The following SNX29 variants were observed in gnomAD, a reference collection of about 807,000 sequenced individuals.
The protein encoded by SNX29 is sorting nexin-29.
SNX29 carries 78 observed loss-of-function variants against 102.1 expected under a neutral mutation model. The observed-to-expected ratio is 0.76, with a 90% confidence interval of 0.64 to 0.92. SNX29 has a LOEUF of 0.92. SNX29 is among the 40% of genes least tolerant of loss of function. The pLI, the probability that SNX29 is intolerant of heterozygous loss-of-function variation, is 0.00. For synonymous variants in SNX29, 580 were observed against 414.5 expected (o/e 1.40, Z -4.85); for missense variants, 1,280 against 1,061.7 (o/e 1.21, Z -2.86).
intron 14 of SNX29, among the ~76,000 whole-genome samples, chr16:12,244,425 A>G (rs1310985091): frequency 6.6e-6 from 1 of 152,150 alleles, no homozygotes; most frequent in Non-Finnish European, 1.5e-5. Context: ...CCTGGCCAAC[A>G]TGGAGAAACA....
intron 13 of SNX29, among the ~76,000 whole-genome samples, chr16:12,158,944 G>A (rs745873451): frequency 8.5e-5 from 13 of 152,204 alleles, no homozygotes; most frequent in East Asian, 1.9e-4. Context: ...TGCCTGTGGC[G>A]TGGAATCATT....
intron 15 of SNX29, among the ~76,000 whole-genome samples, chr16:12,301,347 C>T (rs967597532): frequency 7.2e-5 from 11 of 152,178 alleles, no homozygotes; most frequent in Non-Finnish European, 7.3e-5. Context: ...CCACACTCCT[C>T]GTTCTACTCT....
At position 12,541,349 on chromosome 16, in the gene SNX29, T is replaced by A. The variant is rs77037015; in HGVS notation, c.2318+16508T>A. Reference sequence around the variant, plus strand: ...CTGAGTGCCAGAATTACCTTCTTCATTCTTCACAGAATTCCCTATGAGGGC... The same window carrying A: ...CTGAGTGCCAGAATTACCTTCTTCAATCTTCACAGAATTCCCTATGAGGGC... On this transcript the variant is annotated intron_variant, in intron 20 of 20. Coordinates refer to ENST00000566228, the MANE Select transcript of SNX29 (RefSeq NM_032167.5). Among the ~76,000 whole-genome samples the A allele has an allele frequency of 1.7e-3, 261 of 152,286 alleles. 2 individuals carry two copies. Among genetic ancestry groups the A allele is most frequent in the African/African-American group, 6.1e-3 (255 of 41,558 alleles).
At chr16:12,006,286 C>T (rs934319345) in intron 3 of SNX29, among the ~76,000 whole-genome samples, 2 of 151,562 alleles carry the variant, frequency 1.3e-5, no homozygotes, top group Non-Finnish European at 2.9e-5. Context: ...GAGGCTGAGG[C>T]GGAAGGATCA....
intron 19 of SNX29, among the ~76,000 whole-genome samples, chr16:12,479,334 A>G (rs2087800849): frequency 6.6e-6 from 1 of 152,246 alleles, no homozygotes; most frequent in Non-Finnish European, 1.5e-5. Context: ...ACAGAAACAC[A>G]GAGCAAGAGT....
Position 12,568,308 on chromosome 16 carries a change from A to AAG in SNX29, c.2319-197_2319-196insGA, listed in dbSNP as rs749979267. Among the ~76,000 whole-genome samples the AAG allele has an allele frequency of 9.9e-3, 1,503 of 151,252 alleles. 24 individuals are homozygous for AAG. The highest frequency in any genetic ancestry group is 0.015 in the Non-Finnish European group (1,011 of 67,798). ...GTTGGAGCCTCGGAGTGCTGTTAAA[A>AAG]AAAAAAAAATGGAAAGGTTTACGTG... On this transcript the variant is annotated intron_variant, in intron 20 of 20. Transcript: ENST00000566228.
chr16:12,107,307 C>T (rs1289435839), intron 11 of SNX29, among the ~76,000 whole-genome samples: 15 of 149,482 alleles, frequency 1.0e-4, no homozygotes, highest in Admixed American at 4.7e-4. Context: ...GAAGACAGCA[C>T]GGGCCAATCT....
At position 12,570,857 on chromosome 16, in the gene SNX29, A is replaced by G; in HGVS notation, c.*2228A>G. The G allele has an allele frequency of 4.3e-6, 1 of 232,122 alleles. No individual in the cohort carries two copies. Among genetic ancestry groups the G allele is most frequent in the Non-Finnish European group, 8.5e-6 (1 of 117,388 alleles). The allele number at this position is 232,122 out of a possible 1,614,324, so 14.4% of individuals were successfully genotyped here. On this transcript the variant is annotated 3_prime_UTR_variant, in exon 21 of 21. Coordinates refer to ENST00000566228, the MANE Select transcript of SNX29 (RefSeq NM_032167.5). ...TCAGCTGGTATTGAACTGGTGGGAG[A>G]AACTGCCTCCTACTTTTATAATACT...
chr16:12,424,738 A>G (rs2084992925), intron 18 of SNX29, among the ~76,000 whole-genome samples: 1 of 152,206 alleles, frequency 6.6e-6, no homozygotes, highest in Non-Finnish European at 1.5e-5. Context: ...CCTGTAACAG[A>G]CAGTATCTTC....
At chr16:12,552,798 TGGA>T (rs958840604) in intron 20 of SNX29, among the ~76,000 whole-genome samples, 8 of 152,202 alleles carry the variant, frequency 5.3e-5, no homozygotes, top group African/African-American at 1.7e-4. Context: ...TCAGTCATCC[TGGA>T]GGAGAGAACA....
At position 12,568,656 on chromosome 16, in the gene SNX29, CTGTGCGTGGCACCAGCTGCG is replaced by C; in HGVS notation, c.*29_*48del. On this transcript the variant is annotated 3_prime_UTR_variant, in exon 21 of 21. Transcript: ENST00000566228. ...CTCGACAAAACCGCAGCCACGGGCCCTGTGCGTGGCACCAGCTGCGTCCACCCCAGCCACTGCCGCTGGCC... is the reference window on the plus strand; with the variant it reads ...CTCGACAAAACCGCAGCCACGGGCCCTCCACCCCAGCCACTGCCGCTGGCC... The C allele has an allele frequency of 1.3e-6, 2 of 1,597,828 alleles. No homozygotes were observed. Among genetic ancestry groups the C allele is most frequent in the Non-Finnish European group, 1.7e-6 (2 of 1,178,528 alleles).
chr16:11,987,534 C>G (rs2055679701), intron 1 of SNX29, among the ~76,000 whole-genome samples: 1 of 151,662 alleles, frequency 6.6e-6, no homozygotes, highest in African/African-American at 2.4e-5. Context: ...GTAGCTGGGA[C>G]TACAGGTGCG....
intron 20 of SNX29, among the ~76,000 whole-genome samples, chr16:12,531,579 T>C (rs963623818): frequency 1.3e-5 from 2 of 152,160 alleles, no homozygotes; most frequent in African/African-American, 4.8e-5. Flanking sequence ...ATTGCCATTC[T>C]CTGGGATGAG....
intron 13 of SNX29, among the ~76,000 whole-genome samples, chr16:12,146,916 G>GT (rs2055087448): frequency 6.6e-6 from 1 of 152,166 alleles, no homozygotes; most frequent in African/African-American, 2.4e-5. Context: ...TTCCTAGATA[G>GT]TTTTTTAAAA....
intron 13 of SNX29, among the ~76,000 whole-genome samples, chr16:12,158,324 C>T (rs929298953): frequency 4.6e-5 from 7 of 152,070 alleles, no homozygotes; most frequent in African/African-American, 7.2e-5. Flanking sequence ...CTCAGCCTGC[C>T]GAGTAGCTGG....
At chr16:12,501,957 G>A (rs1022948950) in intron 19 of SNX29, among the ~76,000 whole-genome samples, 1 of 152,142 alleles carries the variant, frequency 6.6e-6, no homozygotes, top group African/African-American at 2.4e-5. Context: ...GGACATGCAG[G>A]CCTGCACCAG....
At chr16:12,081,158 C>G (rs1488518381) in intron 11 of SNX29, 1 of 152,090 alleles carries the variant, frequency 6.6e-6, no homozygotes, top group Non-Finnish European at 1.5e-5. Flanking sequence ...GCGTGGTTGC[C>G]TGCCCTGGGT....
chr16:12,458,682 G>T (rs1043632843), intron 18 of SNX29, among the ~76,000 whole-genome samples: 7 of 152,054 alleles, frequency 4.6e-5, no homozygotes, highest in African/African-American at 1.4e-4. Context: ...TAGAAGGCCA[G>T]TTAAACCCAG....
At chr16:12,260,705 G>A (rs111547833) in intron 14 of SNX29, among the ~76,000 whole-genome samples, 5,155 of 151,432 alleles carry the variant, frequency 0.034, 134 homozygotes, top group African/African-American at 0.069. Context: ...CGCGTCCCCG[G>A]CTGGAGTGAG....
Sources: gnomAD v4.1 joint callset for allele counts (sites outside exome capture counted in the v4.1 genomes callset) on GRCh38, gnomAD v4.1.1 for gene constraint, MANE v1.5 for transcripts, NCBI Gene and HGNC (gene_info 2026-07-23, HGNC 2026-07-21) for gene names.